Variants in ADCY2 observed in about 807,000 individuals in gnomAD.
The protein encoded by ADCY2 is adenylate cyclase type 2.
In ADCY2, 31 loss-of-function variants were observed where a neutral mutation model predicts 125.2. That is an observed-to-expected ratio of 0.25 (90% confidence interval 0.19 to 0.33). The LOEUF is 0.33. Among genes scored for constraint, ADCY2 ranks in the 10% least tolerant of loss-of-function variants. ADCY2 has a pLI of 1.00. For missense variants in ADCY2, 904 were observed against 1,418.2 expected (o/e 0.64, Z 5.82); for synonymous variants, 512 against 548.4 (o/e 0.93, Z 0.93).
chr5:7,445,606 C>T (rs192479786), intron 2 of ADCY2, among the ~76,000 whole-genome samples: 2 of 152,292 alleles, frequency 1.3e-5, no homozygotes, highest in Admixed American at 6.5e-5. Context: ...CATCCAAAAA[C>T]ATTACATTTT....
intron 5 of ADCY2, among the ~76,000 whole-genome samples, chr5:7,693,233 A>G (rs1311750972): frequency 1.3e-5 from 2 of 151,978 alleles, no homozygotes; most frequent in African/African-American, 2.4e-5. Context: ...CCAAGGATAT[A>G]GTTCTAACTG....
Position 7,498,227 on chromosome 5 carries a change from T to C in ADCY2, c.409-22511T>C, listed in dbSNP as rs558254574. Among the ~76,000 whole-genome samples, 417 of 150,486 alleles carry C rather than the reference T, an allele frequency of 2.8e-3. 2 individuals carry two copies. Among genetic ancestry groups the C allele is most frequent in the African/African-American group, 9.5e-3 (389 of 41,028 alleles). ...AAGGATATAGAGTAAGTAAAACTCT[T>C]TTTCTTTTTTCGTTTTTTTTTTTTT... On this transcript the variant is annotated intron_variant, in intron 2 of 24. Coordinates refer to ENST00000338316, the MANE Select transcript of ADCY2 (RefSeq NM_020546.3).
chr5:7,728,323 A>G (rs1034844479), intron 14 of ADCY2, among the ~76,000 whole-genome samples: 3 of 152,178 alleles, frequency 2.0e-5, no homozygotes, highest in Non-Finnish European at 4.4e-5. Flanking sequence ...CTTTTGGGAT[A>G]CAAGTGGTTT....
intron 20 of ADCY2, chr5:7,799,347 C>T (rs965937168): frequency 6.6e-6 from 1 of 152,310 alleles, no homozygotes; most frequent in African/African-American, 2.4e-5. Context: ...CTCTTGAGTT[C>T]AGTGCATGGT....
chr5:7,481,980 C>T (rs1742748409), intron 2 of ADCY2, among the ~76,000 whole-genome samples: 1 of 152,044 alleles, frequency 6.6e-6, no homozygotes, highest in Admixed American at 6.5e-5. Context: ...CTAAGATGGT[C>T]CAATTACTAT....
chr5:7,743,882 G>A, intron 15 of ADCY2, 130 bp downstream of exon 15: 1 of 790,358 alleles, frequency 1.3e-6, no homozygotes, highest in Admixed American at 2.3e-5. Flanking sequence ...CCCAGTTAAG[G>A]AAACACACAC....
At chr5:7,787,276 C>T (rs1421166257) in intron 19 of ADCY2, among the ~76,000 whole-genome samples, 1 of 152,192 alleles carries the variant, frequency 6.6e-6, no homozygotes, top group African/African-American at 2.4e-5. Context: ...TCATCTTGGC[C>T]TCTGCTAGAC....
intron 3 of ADCY2, among the ~76,000 whole-genome samples, chr5:7,600,636 A>G (rs1283167759): frequency 6.6e-6 from 1 of 152,150 alleles, no homozygotes; most frequent in African/African-American, 2.4e-5. Context: ...CTCAACATCC[A>G]TGGGGAATCC....
chr5:7,708,333 C>T (rs1198674656), intron 9 of ADCY2, among the ~76,000 whole-genome samples: 1 of 152,164 alleles, frequency 6.6e-6, no homozygotes, highest in African/African-American at 2.4e-5. Flanking sequence ...TCTGTATGCA[C>T]AAGCATATTT....
chr5:7,640,825 G>A lies in ADCY2; in HGVS notation c.720+14509G>A, dbSNP rs528268229. On this transcript the variant is annotated intron_variant, in intron 4 of 24. Transcript: ENST00000338316. ...CAATGACTAGTTTATTTCATATCTT[G>A]CTATCTTTCTTTACCCTTGAAACAG... Among the ~76,000 whole-genome samples, 26 of 152,158 alleles carry A rather than the reference G, an allele frequency of 1.7e-4. No individual in the cohort carries two copies. The South Asian group carries it at 5.2e-3, about 30-fold the overall frequency.
chr5:7,728,619 T>G (rs1007618063), intron 14 of ADCY2, among the ~76,000 whole-genome samples: 1 of 152,212 alleles, frequency 6.6e-6, no homozygotes, highest in African/African-American at 2.4e-5. Flanking sequence ...GCCATCCCAG[T>G]ACACAGTGGC....
chr5:7,474,937 C>G (rs927199636), intron 2 of ADCY2, among the ~76,000 whole-genome samples: 3 of 152,218 alleles, frequency 2.0e-5, no homozygotes, highest in Non-Finnish European at 4.4e-5. Flanking sequence ...CAGCTGTTAC[C>G]AGCCTAGCCT....
chr5:7,667,143 C>G (rs1739784430), intron 4 of ADCY2, among the ~76,000 whole-genome samples: 1 of 152,120 alleles, frequency 6.6e-6, no homozygotes, highest in South Asian at 2.1e-4. Flanking sequence ...GTCTCACAAG[C>G]TGTCAGAAGG....
At chr5:7,775,175 T>TTGTGTGTGTGTG (rs200142910) in intron 18 of ADCY2, among the ~76,000 whole-genome samples, 59 of 146,262 alleles carry the variant, frequency 4.0e-4, no homozygotes, top group African/African-American at 1.3e-3. Context: ...CCCAGCTACT[T>TTGTGTGTGTGTG]TGTGTGTGTG....
intron 2 of ADCY2, among the ~76,000 whole-genome samples, chr5:7,502,598 T>C (rs1289267845): frequency 6.6e-6 from 1 of 152,226 alleles, no homozygotes; most frequent in East Asian, 1.9e-4. Context: ...AAAAGGAAAT[T>C]AAGTTTTGGG....
chr5:7,501,756 C>A (rs1389758811), intron 2 of ADCY2, among the ~76,000 whole-genome samples: 1 of 148,236 alleles, frequency 6.7e-6, no homozygotes, highest in Non-Finnish European at 1.5e-5. Context: ...GCCTTGAGTC[C>A]ACCTTCAGCC....
chr5:7,470,192 T>A (rs1480096008), intron 2 of ADCY2, among the ~76,000 whole-genome samples: 1 of 151,828 alleles, frequency 6.6e-6, no homozygotes, highest in Non-Finnish European at 1.5e-5. Flanking sequence ...GAACAATAAA[T>A]AGCACAACTG....
At position 7,789,825 on chromosome 5, in the gene ADCY2, G is replaced by C. The variant is rs371645530; in HGVS notation, c.2628+25G>C. ...GGTCAGACCAGGGGGGCTGGGGGCT[G>C]GGGGAGGGGGCTGGATGCCATGATG... On this transcript the variant is annotated intron_variant, in intron 20 of 24. Transcript: ENST00000338316. The C allele has an allele frequency of 1.9e-4, 278 of 1,459,218 alleles. 1 individual carries two copies. The African/African-American group carries it at 3.6e-3, about 19-fold the overall frequency. 90.4% of individuals were successfully genotyped at this position (1,459,218 alleles called of 1,614,324 possible).
chr5:7,820,516 A>G, intron 23 of ADCY2, 49 bp from the exon 24 acceptor site: 1 of 1,606,594 alleles, frequency 6.2e-7, no homozygotes, highest in Non-Finnish European at 8.5e-7. Flanking sequence ...AAATAAAAAG[A>G]CAATGGTTAT....
Sources: allele counts gnomAD v4.1 joint callset (sites outside exome capture counted in the v4.1 genomes callset), GRCh38; gene constraint gnomAD v4.1.1; transcripts MANE v1.5; gene names NCBI Gene and HGNC (gene_info 2026-07-23, HGNC 2026-07-21).